Variants in LRRFIP2 observed in about 807,000 individuals in gnomAD.
The protein encoded by LRRFIP2 is leucine-rich repeat flightless-interacting protein 2.
In LRRFIP2, 109 loss-of-function variants were observed where a neutral mutation model predicts 125.9. The ratio of observed to expected loss-of-function variants is 0.87; its 90% CI spans 0.74 to 1.01. The LOEUF (loss-of-function observed/expected upper bound fraction) is 1.01. Ranked by LOEUF, LRRFIP2 falls within the 50% of genes least tolerant of loss-of-function variation. LRRFIP2 has a pLI of 0.00. For synonymous variants in LRRFIP2, 291 were observed against 293.1 expected (o/e 0.99, Z 0.07); for missense variants, 850 against 862.3 (o/e 0.99, Z 0.18).
intron 17 of LRRFIP2, among the ~76,000 whole-genome samples, chr3:37,092,902 G>A (rs553338509): frequency 4.6e-5 from 7 of 151,958 alleles, no homozygotes; most frequent in Admixed American, 1.3e-4. Flanking sequence ...GCAGAGGCAC[G>A]ATCTCGGCTC....
At chr3:37,143,487 C>A in intron 2 of LRRFIP2, 1 of 240,342 alleles carries the variant, frequency 4.2e-6, no homozygotes. Context: ...CTGCAATCTT[C>A]TCCTTTTATC....
chr3:37,080,294 G>C (rs1028117970), intron 19 of LRRFIP2, among the ~76,000 whole-genome samples: 11 of 151,962 alleles, frequency 7.2e-5, no homozygotes, highest in Non-Finnish European at 1.6e-4. Context: ...TACTCAGAAG[G>C]CTGAGGCAGG....
At chr3:37,127,758 C>G in intron 3 of LRRFIP2, 78 bp from the exon 4 acceptor site, 1 of 1,115,408 alleles carries the variant, frequency 9.0e-7, no homozygotes, top group East Asian at 2.5e-5. Context: ...TAATCATACA[C>G]ATTTTCCCTA....
intron 1 of LRRFIP2, among the ~76,000 whole-genome samples, chr3:37,162,155 C>CAAAAA (rs71091697): frequency 8.7e-4 from 64 of 73,908 alleles, no homozygotes; most frequent in Non-Finnish European, 8.7e-4. Flanking sequence ...GACCCTGTCT[C>CAAAAA]AAAAAAAAAA....
intron 2 of LRRFIP2, among the ~76,000 whole-genome samples, chr3:37,129,898 C>G (rs1179606121): frequency 1.3e-5 from 2 of 152,138 alleles, no homozygotes; most frequent in African/African-American, 4.8e-5. Context: ...GTGGCTGAGA[C>G]AGGAAAATTA....
At chr3:37,147,410 A>G (rs1248666806) in intron 2 of LRRFIP2, among the ~76,000 whole-genome samples, 1 of 152,240 alleles carries the variant, frequency 6.6e-6, no homozygotes, top group Non-Finnish European at 1.5e-5. Flanking sequence ...CGTTCACTGG[A>G]GCACTATTCA....
chr3:37,117,585 AT>A (rs1408833401), intron 6 of LRRFIP2, among the ~76,000 whole-genome samples: 5 of 151,938 alleles, frequency 3.3e-5, no homozygotes, highest in South Asian at 2.1e-4. Flanking sequence ...AAAAAAGAAA[AT>A]TTTTTTTAAC....
intron 15 of LRRFIP2, among the ~76,000 whole-genome samples, chr3:37,100,387 C>CATACATACATGTGTATGTATATATACAT (rs1224319221): frequency 2.6e-5 from 4 of 151,516 alleles, no homozygotes; most frequent in East Asian, 3.9e-4. Context: ...TGTATACATA[C>CATACATACATGTGTATGTATATATACAT]ATACATACAT....
chr3:37,063,639 T>C (rs1285354421), intron 24 of LRRFIP2, 103 bp downstream of exon 24: 5 of 838,040 alleles, frequency 6.0e-6, no homozygotes, highest in Non-Finnish European at 1.0e-5. Context: ...TGAGTACTGA[T>C]GTTTGAAAGA....
In LRRFIP2 at chr3:37,083,750, CTG is replaced by C; in HGVS notation, c.1162_1163del (p.Gln388ValfsTer4). On this transcript the variant is annotated frameshift_variant, in exon 19 of 28. Coordinates refer to ENST00000336686, the MANE Select transcript of LRRFIP2 (RefSeq NM_006309.4). LOFTEE classifies it high-confidence loss of function. ...KYKKAMVSNA[Q>X]LDNEKNNLIY... The stretch of plus-strand genomic sequence containing the variant: ...TCAAATTGTTCTTCTCATTGTCTAA[CTG>C]TGCATTGGAAACCATGGCTTTCTTG... 6.2e-7 allele frequency: 1 copy of C among 1,601,964 alleles called. No homozygotes were observed. Among genetic ancestry groups the C allele is most frequent in the Non-Finnish European group, 8.5e-7 (1 of 1,176,298 alleles).
intron 2 of LRRFIP2, among the ~76,000 whole-genome samples, chr3:37,137,216 A>C (rs2095580722): frequency 6.6e-6 from 1 of 152,082 alleles, no homozygotes; most frequent in African/African-American, 2.4e-5. Context: ...GGACTCAAGC[A>C]ATCTGCATGC....
In LRRFIP2 at chr3:37,148,963, T is replaced by G. The variant is rs1416640856; in HGVS notation, c.21A>C (p.Gly7=). The change falls in exon 2 of 28, where the codon GGA becomes GGC. Residue 7 remains glycine (G), a synonymous_variant. Coordinates refer to ENST00000336686, the MANE Select transcript of LRRFIP2 (RefSeq NM_006309.4). MGTPAS[G]RKRTPVKDRF... ...GGTCTTTCACAGGTGTTCTTTTCCT[T>G]CCAGAAGCAGGAGTCCCCATCTTGT... is the stretch of plus-strand genomic sequence containing the variant. 2 of 1,613,940 alleles carry G rather than the reference T, an allele frequency of 1.2e-6. No homozygotes were observed. Among genetic ancestry groups the G allele is most frequent in the Non-Finnish European group, 1.7e-6 (2 of 1,179,970 alleles).
At chr3:37,137,171 T>C (rs186371949) in intron 2 of LRRFIP2, among the ~76,000 whole-genome samples, 105 of 152,164 alleles carry the variant, frequency 6.9e-4, no homozygotes, top group African/African-American at 2.3e-3. Context: ...AGAGACAAGG[T>C]TTCACCATGT....
In LRRFIP2 at chr3:37,121,692, C is replaced by A. The variant is rs1244412115; in HGVS notation, c.229-1G>T. ...AATACCTGGCCCTTTCCGAATCTTC[C>A]TGGGAAAGGAGAAAGTACATGGAGA... On this transcript the variant is annotated splice_acceptor_variant, in intron 4 of 27. Transcript: ENST00000336686. LOFTEE classifies it high-confidence loss of function. 6.2e-7 allele frequency: 1 copy of A among 1,613,792 alleles called. No individual in the cohort carries two copies. Among genetic ancestry groups the A allele is most frequent in the Non-Finnish European group, 8.5e-7 (1 of 1,179,878 alleles).
intron 16 of LRRFIP2, 108 bp downstream of exon 16, chr3:37,096,508 G>C (rs2093726558): frequency 2.9e-6 from 2 of 697,568 alleles, no homozygotes; most frequent in African/African-American, 3.8e-5. Flanking sequence ...GATGAAGGGA[G>C]GAAGAGCAGC....
At chr3:37,076,001 A>T (rs762704305) in intron 19 of LRRFIP2, among the ~76,000 whole-genome samples, 1 of 152,188 alleles carries the variant, frequency 6.6e-6, no homozygotes, top group South Asian at 2.1e-4. Flanking sequence ...TTGGAAAAAG[A>T]TAAAATTGGA....
intron 18 of LRRFIP2, among the ~76,000 whole-genome samples, chr3:37,091,177 A>G (rs1208730754): frequency 3.3e-4 from 50 of 152,168 alleles, no homozygotes; most frequent in Non-Finnish European, 2.9e-4. Flanking sequence ...GGAATTTGAG[A>G]CCAGCCTGGG....
At position 37,075,698 on chromosome 3, in the gene LRRFIP2, C is replaced by G. The variant is rs2091920964; in HGVS notation, c.1279-582G>C. 2.6e-5 allele frequency among the ~76,000 whole-genome samples: 4 copies of G among 152,152 alleles called. No homozygotes were observed. The South Asian group carries it at 8.3e-4, about 32-fold the overall frequency. On this transcript the variant is annotated intron_variant, in intron 19 of 27. Transcript: ENST00000336686. The stretch of plus-strand genomic sequence containing the variant: ...TACCATCAGGTTTTTCTTTTATCAT[C>G]ATCAGAGCAAGTTGATTTGAAAGAA...
At chr3:37,167,429 G>T (rs1405993319) in intron 1 of LRRFIP2, among the ~76,000 whole-genome samples, 9 of 151,922 alleles carry the variant, frequency 5.9e-5, no homozygotes, top group African/African-American at 2.2e-4. Context: ...GCCGAGGCGG[G>T]CAGATCACAA....
Sources: gnomAD v4.1 joint callset for allele counts (sites outside exome capture counted in the v4.1 genomes callset) on GRCh38, gnomAD v4.1.1 for gene constraint, MANE v1.5 for transcripts, NCBI Gene and HGNC (gene_info 2026-07-23, HGNC 2026-07-21) for gene names.